Variants in CDH18 observed in about 807,000 individuals in gnomAD.
CDH18 encodes the protein cadherin-18.
In CDH18, 31 loss-of-function variants were observed where a neutral mutation model predicts 67.9. The observed-to-expected ratio is 0.46, with a 90% CI of 0.34 to 0.62. CDH18 has a LOEUF of 0.62. CDH18 is among the 20% of genes least tolerant of loss of function. CDH18 has a pLI of 0.01. For missense variants in CDH18, 890 were observed against 975.5 expected, an observed-to-expected ratio of 0.91 and a Z score of 1.17; for synonymous variants, 362 against 347.2, an observed-to-expected ratio of 1.04 and a Z score of -0.48.
intron 1 of CDH18, among the ~76,000 whole-genome samples, chr5:20,548,357 A>G (rs1757453102): frequency 6.6e-6 from 1 of 151,848 alleles, no homozygotes; most frequent in Admixed American, 6.6e-5. Flanking sequence ...TTGTATGTGT[A>G]TATGTGTTCA....
At chr5:19,974,352 T>C (rs1798299073) in intron 2 of CDH18, among the ~76,000 whole-genome samples, 1 of 151,630 alleles carries the variant, frequency 6.6e-6, no homozygotes, top group Admixed American at 6.6e-5. Context: ...GCCAATGTGG[T>C]GAAACCCCGT....
At chr5:19,981,638 G>A (rs934012196) in intron 1 of CDH18, among the ~76,000 whole-genome samples, 3 of 152,108 alleles carry the variant, frequency 2.0e-5, no homozygotes, top group Admixed American at 1.3e-4. Flanking sequence ...TTGCATTGGA[G>A]GTAAAGTTTC....
chr5:19,714,572 C>T (rs1397981138), intron 5 of CDH18, among the ~76,000 whole-genome samples: 1 of 150,144 alleles, frequency 6.7e-6, no homozygotes, highest in Non-Finnish European at 1.5e-5. Context: ...GAACAAATTA[C>T]TTAGCTTTGA....
chr5:20,343,005 G>A (rs1456664280), intron 1 of CDH18, among the ~76,000 whole-genome samples: 1 of 152,080 alleles, frequency 6.6e-6, no homozygotes. Flanking sequence ...TCTTTGAAGA[G>A]CCCTATAATT....
intron 2 of CDH18, among the ~76,000 whole-genome samples, chr5:20,196,969 T>A (rs1318979452): frequency 6.6e-6 from 1 of 152,110 alleles, no homozygotes; most frequent in Non-Finnish European, 1.5e-5. Context: ...TAGCATGGAG[T>A]GACATTGATA....
chr5:19,976,093 A>G (rs1798471910), intron 2 of CDH18, among the ~76,000 whole-genome samples: 1 of 152,142 alleles, frequency 6.6e-6, no homozygotes, highest in Non-Finnish European at 1.5e-5. Context: ...TGAAATTCAT[A>G]TTCTACTGAT....
At chr5:20,182,463 A>G (rs1334208309) in intron 2 of CDH18, among the ~76,000 whole-genome samples, 2 of 151,762 alleles carry the variant, frequency 1.3e-5, no homozygotes. Flanking sequence ...TTGGCTGGGT[A>G]TGGTGGTGCA....
chr5:19,695,923 G>A (rs1435884640), intron 5 of CDH18, among the ~76,000 whole-genome samples: 7 of 152,116 alleles, frequency 4.6e-5, no homozygotes, highest in Non-Finnish European at 5.9e-5. Flanking sequence ...TATCAAATAA[G>A]ATGATCTATT....
chr5:20,565,794 G>A (rs1269037021), intron 1 of CDH18, among the ~76,000 whole-genome samples: 4 of 150,910 alleles, frequency 2.7e-5, no homozygotes, highest in African/African-American at 9.7e-5. Context: ...TAACCTTCTA[G>A]GTAGGTCACT....
At chr5:19,684,475 A>G (rs1329018405) in intron 5 of CDH18, among the ~76,000 whole-genome samples, 1 of 150,794 alleles carries the variant, frequency 6.6e-6, no homozygotes, top group African/African-American at 2.4e-5. Context: ...ACTTAGCCAT[A>G]TAACTAAATT....
chr5:19,490,180 A>C (rs185253604), intron 11 of CDH18, among the ~76,000 whole-genome samples: 64 of 152,078 alleles, frequency 4.2e-4, no homozygotes, highest in Middle Eastern at 3.4e-3. Context: ...AGTTTTAACA[A>C]GTGAATGTAT....
At chr5:20,238,107 A>G (rs1742615707) in intron 2 of CDH18, among the ~76,000 whole-genome samples, 1 of 151,926 alleles carries the variant, frequency 6.6e-6, no homozygotes, top group South Asian at 2.1e-4. Context: ...TATATCTTGA[A>G]CCTTACAAAA....
chr5:19,570,524 A>C (rs1052118621), intron 8 of CDH18, among the ~76,000 whole-genome samples: 3 of 152,168 alleles, frequency 2.0e-5, no homozygotes. Context: ...TATCCCACAG[A>C]TACTGAGGAG....
intron 1 of CDH18, among the ~76,000 whole-genome samples, chr5:20,531,098 CA>C (rs1756372628): frequency 6.6e-6 from 1 of 152,076 alleles, no homozygotes; most frequent in Non-Finnish European, 1.5e-5. Context: ...AGACACTTCT[CA>C]AAAGAAGACT....
intron 1 of CDH18, among the ~76,000 whole-genome samples, chr5:20,326,032 C>T (rs1376508456): frequency 2.0e-5 from 3 of 152,300 alleles, no homozygotes; most frequent in South Asian, 2.1e-4. Flanking sequence ...TAAATATGCT[C>T]AGGCACATTT....
chr5:19,727,396 G>A (rs1259432130), intron 4 of CDH18, among the ~76,000 whole-genome samples: 1 of 152,180 alleles, frequency 6.6e-6, no homozygotes, highest in Admixed American at 6.5e-5. Context: ...ATGTGAAGAT[G>A]AATGTAAATA....
chr5:19,860,207 A>T (rs1784747842), intron 2 of CDH18, among the ~76,000 whole-genome samples: 1 of 152,056 alleles, frequency 6.6e-6, no homozygotes, highest in Non-Finnish European at 1.5e-5. Flanking sequence ...CTAAACAGTG[A>T]ATAGCCTTAT....
rs144882379 is a variant in CDH18 at position 20,189,231 on chromosome 5, G to A, written c.-518+66213C>T. Among the ~76,000 whole-genome samples, 88 of 151,640 alleles carry A rather than the reference G, an allele frequency of 5.8e-4. No individual in the cohort carries two copies. In the South Asian group the frequency reaches 0.016, roughly 28 times the overall value. ...TAATGATAACCCTCTTCCTCTTCAG[G>A]TATACTTCTTCTTTACTTCCCTTAA... On this transcript the variant is annotated intron_variant, in intron 2 of 14. Transcript: ENST00000507958.
Position 19,736,263 on chromosome 5 carries a change from C to T in CDH18, c.523+10679G>A, listed in dbSNP as rs187910569. On this transcript the variant is annotated intron_variant, in intron 4 of 12. Coordinates refer to ENST00000382275, the MANE Select transcript of CDH18 (RefSeq NM_004934.5). ...ACAATTAGCCGGGCATGGTAGCACA[C>T]GCCTTTAGGTGGGAGGCTGAGGAGG... is the stretch of plus-strand genomic sequence containing the variant. Among the ~76,000 whole-genome samples the T allele has an allele frequency of 2.0e-3, 310 of 152,200 alleles. 1 individual carries two copies. Among genetic ancestry groups the T allele is most frequent in the African/African-American group, 7.0e-3 (290 of 41,536 alleles).
Sources: allele counts gnomAD v4.1 joint callset (sites outside exome capture counted in the v4.1 genomes callset), GRCh38; gene constraint gnomAD v4.1.1; transcripts MANE v1.5; gene names NCBI Gene and HGNC (gene_info 2026-07-23, HGNC 2026-07-21).